RPS6KA2: variants seen among roughly 807,000 people sequenced by gnomAD.
RPS6KA2 encodes the protein ribosomal protein S6 kinase A2.
RPS6KA2 carries 42 observed loss-of-function variants against 91.8 expected under a neutral mutation model. That is an observed-to-expected ratio of 0.46 (90% confidence interval 0.36 to 0.59). RPS6KA2 has a LOEUF of 0.59. Among genes scored for constraint, RPS6KA2 ranks in the 20% least tolerant of loss-of-function variants. The probability of loss-of-function intolerance (pLI) is 0.00; values close to 1 mark genes in which losing one functional copy is unlikely to be tolerated. For synonymous variants in RPS6KA2, 414 were observed against 393.6 expected (o/e 1.05, Z -0.61); for missense variants, 798 against 978.5 (o/e 0.82, Z 2.46).
intron 1 of RPS6KA2, among the ~76,000 whole-genome samples, chr6:166,583,825 C>T (rs1043437427): frequency 4.7e-4 from 71 of 152,188 alleles, no homozygotes; most frequent in African/African-American, 1.5e-3. Flanking sequence ...CTGGTTCTCA[C>T]GTTTTTCTAC....
intron 1 of RPS6KA2, among the ~76,000 whole-genome samples, chr6:166,576,124 G>GT (rs1277404661): frequency 6.6e-6 from 1 of 152,158 alleles, no homozygotes; most frequent in Non-Finnish European, 1.5e-5. Flanking sequence ...CCACCACCAT[G>GT]TAAGAAGTAC....
chr6:166,688,047 G>A (rs1789079103), intron 2 of RPS6KA2, among the ~76,000 whole-genome samples: 1 of 152,120 alleles, frequency 6.6e-6, no homozygotes, highest in South Asian at 2.1e-4. Context: ...TGGCTGGGAG[G>A]AGATGGAGTG....
intron 2 of RPS6KA2, among the ~76,000 whole-genome samples, chr6:166,837,665 G>T (rs1017444121): frequency 1.3e-5 from 2 of 152,158 alleles, no homozygotes; most frequent in African/African-American, 4.8e-5. Context: ...CACCTCTGTG[G>T]GGGTGGCTGT....
chr6:166,803,949 T>C (rs965626785), intron 2 of RPS6KA2, among the ~76,000 whole-genome samples: 3 of 152,244 alleles, frequency 2.0e-5, no homozygotes, highest in Non-Finnish European at 4.4e-5. Flanking sequence ...TGCTAATGTC[T>C]TTTTCAGTCT....
chr6:166,498,001 T>C (rs1312624131), intron 8 of RPS6KA2, among the ~76,000 whole-genome samples: 1 of 152,002 alleles, frequency 6.6e-6, no homozygotes, highest in Non-Finnish European at 1.5e-5. Flanking sequence ...CCTGTGAAGA[T>C]TGGGAAAGGA....
rs538206200 is a variant in RPS6KA2, at chr6:166,437,285, T to A, written c.1333-4795A>T. Among the ~76,000 whole-genome samples, 1 of 152,306 alleles carries A rather than the reference T, an allele frequency of 6.6e-6. No homozygotes were observed. Among genetic ancestry groups the A allele is most frequent in the East Asian group, 1.9e-4 (1 of 5,176 alleles). On this transcript the variant is annotated intron_variant, in intron 14 of 20. Transcript: ENST00000265678. The surrounding 1 kb of genome is among the most constrained non-coding windows in gnomAD (Gnocchi z 4.3). ...TTGGGGTTGACCGTGTTGGTCTTAC[T>A]CTTATTAGAGCAAGCTCTGGTGGAC...
Position 166,490,805 on chromosome 6 carries a change from T to C in RPS6KA2, c.748-64A>G. ...AGATGGACCCGGCTTCACGGCAGAG[T>C]ACCCCAGCAGGGCAGCCTGCTACCG... On this transcript the variant is annotated intron_variant, in intron 8 of 20. Coordinates refer to ENST00000265678, the MANE Select transcript of RPS6KA2 (RefSeq NM_021135.6). This position sits in a 1 kb window ranked among gnomAD's most constrained non-coding sequence, Gnocchi z 4.2. 1.6e-6 allele frequency: 2 copies of C among 1,289,210 alleles called. No individual in the cohort carries two copies. Among genetic ancestry groups the C allele is most frequent in the East Asian group, 2.4e-5 (1 of 41,194 alleles). The allele number at this position is 1,289,210 out of a possible 1,614,324, so 79.9% of individuals were successfully genotyped here.
rs113070137 is a variant in RPS6KA2 at position 166,421,757 on chromosome 6, G to T, written c.1743+1499C>A. On this transcript the variant is annotated intron_variant, in intron 17 of 20. Transcript: ENST00000265678. The stretch of plus-strand genomic sequence containing the variant: ...AAACTTCTTTTTCTCTTGTTAATCT[G>T]TCTTTTGTTACAGGGGTCTGGTCCA... Among the ~76,000 whole-genome samples, 885 of 152,242 alleles carry T rather than the reference G, an allele frequency of 5.8e-3. 7 individuals carry two copies. The highest frequency in any genetic ancestry group is 0.02 in the African/African-American group (835 of 41,528).
In RPS6KA2 at chr6:166,456,446, G is replaced by C. The variant is rs578259958; in HGVS notation, c.1075+3003C>G. On this transcript the variant is annotated intron_variant, in intron 12 of 20. Coordinates refer to ENST00000265678, the MANE Select transcript of RPS6KA2 (RefSeq NM_021135.6). The stretch of plus-strand genomic sequence containing the variant: ...ACAAACAACCTCTCATGGTCCTGTG[G>C]GTATTTCCTGATTTGTGGAGTCTGC... Among the ~76,000 whole-genome samples the C allele has an allele frequency of 2.0e-5, 3 of 152,302 alleles. No homozygotes were observed. The East Asian group carries it at 5.8e-4, about 29-fold the overall frequency.
chr6:166,775,251 GC>G (rs796092072), intron 2 of RPS6KA2, among the ~76,000 whole-genome samples: 15 of 149,176 alleles, frequency 1.0e-4, no homozygotes, highest in African/African-American at 2.3e-4. Flanking sequence ...CTCATTGAAA[GC>G]CCCCCCCACC....
At position 166,664,167 on chromosome 6, in the gene RPS6KA2, G is replaced by A. The variant is rs547696508; in HGVS notation, c.124-125383C>T. Among the ~76,000 whole-genome samples the A allele has an allele frequency of 4.6e-5, 7 of 152,312 alleles. No homozygotes were observed. In the South Asian group the frequency reaches 1.0e-3, roughly 23 times the overall value. ...CTTTGCAATTGATTTAATTTCCCAA[G>A]CTCTGTTCACCTTCTGAGACCATAA... is the stretch of plus-strand genomic sequence containing the variant. On this transcript the variant is annotated intron_variant, in intron 2 of 21. Coordinates refer to the RPS6KA2 transcript ENST00000503859.
intron 10 of RPS6KA2, among the ~76,000 whole-genome samples, chr6:166,475,507 C>G (rs891612409): frequency 1.3e-5 from 2 of 152,210 alleles, no homozygotes; most frequent in African/African-American, 2.4e-5. Context: ...CACACCCCGT[C>G]CAGCATCTGG....
chr6:166,444,174 T>C (rs1202260273), intron 14 of RPS6KA2, among the ~76,000 whole-genome samples: 1 of 152,236 alleles, frequency 6.6e-6, no homozygotes, highest in East Asian at 1.9e-4. Flanking sequence ...TACAGCATCT[T>C]TGATGGAATA....
chr6:166,510,164 A>C, intron 4 of RPS6KA2, 113 bp downstream of exon 4: 1 of 617,246 alleles, frequency 1.6e-6, no homozygotes, highest in Non-Finnish European at 2.9e-6. Context: ...GCAGGACTCT[A>C]TGGTATAGGA....
chr6:166,643,146 A>G (rs578077194), intron 2 of RPS6KA2, among the ~76,000 whole-genome samples: 1 of 152,094 alleles, frequency 6.6e-6, no homozygotes, highest in East Asian at 1.9e-4. Flanking sequence ...ATATCCACCA[A>G]CTCTTCTAGT....
At chr6:166,699,911 T>C (rs1245499447) in intron 2 of RPS6KA2, among the ~76,000 whole-genome samples, 1 of 152,254 alleles carries the variant, frequency 6.6e-6, no homozygotes, top group African/African-American at 2.4e-5. Flanking sequence ...GTGAGGCTCA[T>C]GACAGTGCTG....
At chr6:166,690,195 G>A (rs545911078) in intron 2 of RPS6KA2, among the ~76,000 whole-genome samples, 1 of 152,294 alleles carries the variant, frequency 6.6e-6, no homozygotes, top group Admixed American at 6.5e-5. Context: ...CCCAGCATTG[G>A]GGTGACGGGG....
At chr6:166,734,148 C>T (rs1222867672) in intron 2 of RPS6KA2, among the ~76,000 whole-genome samples, 1 of 152,088 alleles carries the variant, frequency 6.6e-6, no homozygotes, top group Non-Finnish European at 1.5e-5. Flanking sequence ...TAGGTATGGC[C>T]CCTGAGGGGC....
chr6:166,476,758 C>A (rs1168217990), intron 10 of RPS6KA2, among the ~76,000 whole-genome samples: 1 of 152,112 alleles, frequency 6.6e-6, no homozygotes, highest in African/African-American at 2.4e-5. Context: ...AATGAAGACG[C>A]ATTTGCTCCT....
Sources: gnomAD v4.1 joint callset for allele counts (sites outside exome capture counted in the v4.1 genomes callset) on GRCh38, gnomAD v4.1.1 for gene constraint, Gnocchi (gnomAD v3.1) non-coding constraint, MANE v1.5 for transcripts, NCBI Gene and HGNC (gene_info 2026-07-23, HGNC 2026-07-21) for gene names.